The following DNAJC4 variants were observed in gnomAD, a reference collection of about 807,000 sequenced individuals.
DNAJC4 encodes DnaJ heat shock protein family (Hsp40) member C4.
In DNAJC4, 26 loss-of-function variants were observed where a neutral mutation model predicts 26.8. That is an observed-to-expected ratio of 0.97 (90% CI 0.71 to 1.34). The LOEUF is 1.34. DNAJC4 is among the 40% of genes most tolerant of loss of function. The probability of loss-of-function intolerance (pLI) is 0.00; values close to 1 mark genes in which losing one functional copy is unlikely to be tolerated. For synonymous variants in DNAJC4, 134 were observed against 127.8 expected (o/e 1.05, Z -0.33); for missense variants, 342 against 321.1 (o/e 1.07, Z -0.50).
chr11:64,230,979 G>C (rs538577724), intron 1 of DNAJC4, 39 bp downstream of exon 1: 2 of 1,536,346 alleles, frequency 1.3e-6, no homozygotes, highest in South Asian at 2.4e-5. Flanking sequence ...TTGTTCAATG[G>C]GTTTCTGTTT....
intron 2 of DNAJC4, 185 bp downstream of exon 2, chr11:64,232,149 G>T: frequency 1.4e-6 from 1 of 726,364 alleles, no homozygotes; most frequent in Non-Finnish European, 2.3e-6. Flanking sequence ...CCTGTCTGAT[G>T]GGCTGGGCTT....
rs1231911364 is a variant in DNAJC4 at position 64,232,552 on chromosome 11, A to G, written c.303A>G (p.Ser101=). The G allele has an allele frequency of 1.2e-6, 2 of 1,612,752 alleles. No individual in the cohort carries two copies. Among genetic ancestry groups the G allele is most frequent in the Non-Finnish European group, 1.7e-6 (2 of 1,178,976 alleles). ...GCAGCTATGATGACCAGCTCCGCTC[A>G]GGTAGTCCCCCAAAGTCTCCACGAA... The part of the protein sequence containing the change: ...SRRSYDDQLR[S]GSPPKSPRTT... The change falls in exon 3 of 6, where the codon TCA becomes TCG. Residue 101 remains serine, a synonymous_variant. Coordinates refer to ENST00000628077, the MANE Select transcript of DNAJC4 (RefSeq NM_005528.4).
In DNAJC4 at chr11:64,233,973, C is replaced by G. The variant is rs377690203; in HGVS notation, c.607C>G (p.Arg203Gly). ...ITAFYNEARA[R>G]ARANRGILQQ... ...AGCCTTCTACAACGAAGCCCGGGCA[C>G]GGGCCAGGTCTGTCCCTGCTCTATT... is the stretch of plus-strand genomic sequence containing the variant. The change falls in exon 5 of 6, where the codon CGG (arginine) becomes GGG (glycine). Residue 203 changes from arginine (R) to glycine (G), a missense_variant. Coordinates refer to ENST00000628077, the MANE Select transcript of DNAJC4 (RefSeq NM_005528.4). 6 of 1,613,976 alleles carry G rather than the reference C, an allele frequency of 3.7e-6. No homozygotes were observed. The African/African-American group carries it at 8.0e-5, about 22-fold the overall frequency.
chr11:64,233,844 T>G (rs376568611), intron 4 of DNAJC4, 50 bp from the exon 5 acceptor site: 12 of 1,598,246 alleles, frequency 7.5e-6, no homozygotes, highest in Non-Finnish European at 1.0e-5. Flanking sequence ...GGGCAGGACT[T>G]CAGGGACAGC....
rs760113878 is a variant in DNAJC4 at position 64,234,061 on chromosome 11, C to T, written c.615-12C>T. On this transcript the variant is annotated splice_polypyrimidine_tract_variant and intron_variant, in intron 5 of 5. Coordinates refer to ENST00000628077, the MANE Select transcript of DNAJC4 (RefSeq NM_005528.4). The surrounding 1 kb of genome is among the most constrained non-coding windows in gnomAD (Gnocchi z 5.3). ...ATCCCTATCCCAACCACCCAGGTGC[C>T]CTCTCCTCCAGGGCCAACAGAGGCA... 1 of 1,613,476 alleles carries T rather than the reference C, an allele frequency of 6.2e-7. No homozygotes were observed. Among genetic ancestry groups the T allele is most frequent in the African/African-American group, 1.3e-5 (1 of 75,064 alleles).
chr11:64,234,234 C>T lies in DNAJC4; in HGVS notation c.*50C>T. The T allele has an allele frequency of 2.6e-6, 4 of 1,519,408 alleles. No individual in the cohort carries two copies. The highest frequency in any genetic ancestry group is 2.5e-5 in the East Asian group (1 of 40,806). The allele number at this position is 1,519,408 out of a possible 1,614,324, so 94.1% of individuals were successfully genotyped here. A position where few individuals can be genotyped will look rare whatever the true frequency, so the allele number is the denominator to read the frequency against. On this transcript the variant is annotated 3_prime_UTR_variant, in exon 6 of 6. Coordinates refer to ENST00000628077, the MANE Select transcript of DNAJC4 (RefSeq NM_005528.4). The surrounding 1 kb of genome is among the most constrained non-coding windows in gnomAD (Gnocchi z 5.3). ...AGTGCGTTCCCGCTTTGCTTCCTTC[C>T]CTGGACGGCCCGCTCCCCGAAACGC...
intron 4 of DNAJC4, chr11:64,233,558 T>C (rs1947205315): frequency 9.5e-6 from 3 of 314,284 alleles, no homozygotes; most frequent in Non-Finnish European, 1.8e-5. Flanking sequence ...CGATTTTCTA[T>C]AGCAGATACC....
Position 64,232,435 on chromosome 11 carries a change from C to A in DNAJC4, c.186C>A (p.His62Gln). ...RAFFSKSKEL[H>Q]PDRDPGNPSL... ...GGAGTCCTGCCCCACCCCAGCTGCA[C>A]CCAGACCGGGACCCTGGGAACCCAA... Residue 62 changes from histidine (H) to glutamine (Q), a missense_variant, in exon 3 of 6, where the codon CAC (histidine) becomes CAA (glutamine). Transcript: ENST00000628077. The A allele has an allele frequency of 6.3e-7, 1 of 1,583,370 alleles. No homozygotes were observed.
chr11:64,231,021 C>T, intron 1 of DNAJC4, 81 bp downstream of exon 1: 3 of 1,506,544 alleles, frequency 2.0e-6, no homozygotes, highest in Non-Finnish European at 2.7e-6. Context: ...GTGGTCTCTA[C>T]TCCGTGTCAG....
chr11:64,233,003 T>C (rs944925405), intron 4 of DNAJC4, 138 bp downstream of exon 4: 1 of 971,336 alleles, frequency 1.0e-6, no homozygotes, highest in Non-Finnish European at 1.4e-6. Flanking sequence ...GAAGTTGGTC[T>C]CTGGAGCCTC....
At chr11:64,232,042 G>A in intron 2 of DNAJC4, 78 bp downstream of exon 2, 9 of 1,465,164 alleles carry the variant, frequency 6.1e-6, no homozygotes, top group Non-Finnish European at 8.6e-6. Context: ...CCCAGGAGTA[G>A]ACCAGCATCT....
rs759735167 is a variant in DNAJC4 at position 64,232,714 on chromosome 11, C to T, written c.376C>T (p.Pro126Ser). ...TCTGCCTCCCAGCAGCTCCTGGACA[C>T]CCCCCAACGCACAGTACTGGTCCCA... ...SAHQTHSSWT[P>S]PNAQYWSQFH... Residue 126 changes from proline (P) to serine (S), a missense_variant, in exon 4 of 6, where the codon CCC becomes TCC. By Grantham distance (74) the Pro-to-Ser change is moderately conservative. Coordinates refer to ENST00000628077, the MANE Select transcript of DNAJC4 (RefSeq NM_005528.4). 3 of 1,590,944 alleles carry T rather than the reference C, an allele frequency of 1.9e-6. No individual in the cohort carries two copies. Among genetic ancestry groups the T allele is most frequent in the Non-Finnish European group, 1.7e-6 (2 of 1,164,282 alleles).
Position 64,234,120 on chromosome 11 carries a change from G to A in DNAJC4, c.662G>A (p.Arg221Gln). The change falls in exon 6 of 6, where the codon CGG becomes CAG. Residue 221 changes from arginine to glutamine, a missense_variant. Coordinates refer to ENST00000628077, the MANE Select transcript of DNAJC4 (RefSeq NM_005528.4). This position sits in a 1 kb window ranked among gnomAD's most constrained non-coding sequence, Gnocchi z 5.3. ...LQQERQRLGQ[R>Q]QPPPSEPTQG... ...CAGGAGCGACAACGGCTAGGGCAGC[G>A]GCAGCCGCCACCATCCGAGCCAACC... 1 of 1,600,918 alleles carries A rather than the reference G, an allele frequency of 6.2e-7. No homozygotes were observed. The highest frequency in any genetic ancestry group is 8.5e-7 in the Non-Finnish European group (1 of 1,175,694).
intron 1 of DNAJC4, chr11:64,231,583 C>T: frequency 3.1e-6 from 1 of 319,526 alleles, no homozygotes; most frequent in South Asian, 4.4e-5. Context: ...TCAGGTGATC[C>T]GCCCTCCTCG....
In DNAJC4 at chr11:64,234,111, T is replaced by G. The variant is rs367822015; in HGVS notation, c.653T>G (p.Leu218Arg). ...ATCCTTCAGCAGGAGCGACAACGGC[T>G]AGGGCAGCGGCAGCCGCCACCATCC... is the stretch of plus-strand genomic sequence containing the variant. ...RGILQQERQR[L>R]GQRQPPPSEP... Residue 218 changes from leucine to arginine, a missense_variant, in exon 6 of 6, where the codon CTA becomes CGA. Physicochemically the swap from Leu to Arg is moderately radical, Grantham distance 102. Transcript: ENST00000628077. The surrounding 1 kb of genome is among the most constrained non-coding windows in gnomAD (Gnocchi z 5.3). 1.2e-6 allele frequency: 2 copies of G among 1,605,820 alleles called. No individual in the cohort carries two copies. Among genetic ancestry groups the G allele is most frequent in the Admixed American group, 1.7e-5 (1 of 58,746 alleles).
In DNAJC4 at chr11:64,232,833, G is replaced by A. The variant is rs1409201356; in HGVS notation, c.495G>A (p.Leu165=). ...TGGGGTACTGCCTCCTCCTCATGCTGGCGGGCATGGGCCTGCACTACATTG... is the reference window on the plus strand; with the variant it reads ...TGGGGTACTGCCTCCTCCTCATGCTAGCGGGCATGGGCCTGCACTACATTG... The part of the protein sequence containing the change: ...QVLGYCLLLM[L]AGMGLHYIAF... Residue 165 remains leucine (L), a synonymous_variant, in exon 4 of 6, where the codon CTG becomes CTA. Coordinates refer to ENST00000628077, the MANE Select transcript of DNAJC4 (RefSeq NM_005528.4). 1 of 1,608,636 alleles carries A rather than the reference G, an allele frequency of 6.2e-7. No homozygotes were observed.
In DNAJC4 at chr11:64,231,885, CTTA is replaced by C. The variant is rs1473946592; in HGVS notation, c.106_108del (p.Tyr36del). ...TCTGTCCACAGGTCCAGACCCAGTA[CTTA>C]TTATGAACTGTTGGGGGTGCATCCT... On this transcript the variant is annotated inframe_deletion, in exon 2 of 6. Coordinates refer to ENST00000628077, the MANE Select transcript of DNAJC4 (RefSeq NM_005528.4). The C allele has an allele frequency of 1.2e-6, 2 of 1,609,736 alleles. No homozygotes were observed. Among genetic ancestry groups the C allele is most frequent in the African/African-American group, 1.3e-5 (1 of 74,868 alleles).
At position 64,231,965 on chromosome 11, in the gene DNAJC4, G is replaced by A. The variant is rs1489953772; in HGVS notation, c.180+1G>A. On this transcript the variant is annotated splice_donor_variant, in intron 2 of 5. Coordinates refer to ENST00000628077, the MANE Select transcript of DNAJC4 (RefSeq NM_005528.4). LOFTEE classifies it high-confidence loss of function. ...AGCTTTCTTCTCCAAGTCCAAAGAG[G>A]TACCCGTACCCCTGAGGTGGGGAGG... 1.9e-6 allele frequency: 3 copies of A among 1,613,926 alleles called. No individual in the cohort carries two copies. The highest frequency in any genetic ancestry group is 2.7e-5 in the African/African-American group (2 of 74,930).
Position 64,230,803 on chromosome 11 carries a change from C to G in DNAJC4, c.-52C>G, listed in dbSNP as rs1379397116. ...CGGGTGCTTGAAGTCTAGCCCCATC[C>G]TGGTCCAATGCGCTCTTGGTAGCCT... On this transcript the variant is annotated 5_prime_UTR_variant, in exon 1 of 6. Transcript: ENST00000628077. 6.4e-7 allele frequency: 1 copy of G among 1,567,972 alleles called. No individual in the cohort carries two copies. Among genetic ancestry groups the G allele is most frequent in the Non-Finnish European group, 8.6e-7 (1 of 1,158,660 alleles).
Sources: allele counts gnomAD v4.1 joint callset, GRCh38; gene constraint gnomAD v4.1.1; non-coding constraint Gnocchi (gnomAD v3.1); transcripts MANE v1.5; gene names NCBI Gene and HGNC (gene_info 2026-07-23, HGNC 2026-07-21).